FAM184A: variants seen among roughly 807,000 people sequenced by gnomAD.
FAM184A encodes the protein protein FAM184A.
A neutral mutation model predicts 143.8 loss-of-function variants in FAM184A; 99 were observed. The observed-to-expected ratio is 0.69, with a 90% confidence interval of 0.58 to 0.81. FAM184A has a LOEUF of 0.81. Ranked by LOEUF, FAM184A falls within the 40% of genes least tolerant of loss-of-function variation. The pLI is 0.00. For missense variants in FAM184A, 1,217 were observed against 1,310.5 expected (o/e 0.93, Z 1.10); for synonymous variants, 427 against 446.4 (o/e 0.96, Z 0.55).
At chr6:118,989,814 A>ATTTG (rs1784316275) in intron 9 of FAM184A, among the ~76,000 whole-genome samples, 1 of 149,300 alleles carries the variant, frequency 6.7e-6, no homozygotes, top group South Asian at 2.1e-4. Context: ...TTATTTATTT[A>ATTTG]TTTATTTATT....
intron 6 of FAM184A, chr6:119,009,539 C>G (rs1033875993): frequency 6.5e-6 from 1 of 153,738 alleles, no homozygotes; most frequent in Non-Finnish European, 1.4e-5. Flanking sequence ...AACTGTGAGT[C>G]CAATTAAACC....
In FAM184A at chr6:119,120,807, TCTTTCTTTCTTTCTTTCTTC is replaced by T. The variant is rs1377010700; in HGVS notation, c.-202+28251_-202+28270del. On this transcript the variant is annotated intron_variant, in intron 1 of 16. Transcript: ENST00000352896. ...GACTAAAATAAAGTGATGGTTTTTC[TCTTTCTTTCTTTCTTTCTTC>T]CTTTCTTTCTTTCTTTCTTTCTTTT... Among the ~76,000 whole-genome samples the T allele has an allele frequency of 5.1e-4, 7 of 13,694 alleles. No homozygotes were observed. In the East Asian group the frequency reaches 0.014, roughly 27 times the overall value. 9.0% of individuals were successfully genotyped at this position (13,694 alleles called of 152,430 possible). A position where few individuals can be genotyped will look rare whatever the true frequency, so the allele number is the denominator to read the frequency against.
At chr6:118,961,047 A>G (rs1484890709) in intron 17 of FAM184A, among the ~76,000 whole-genome samples, 1 of 152,090 alleles carries the variant, frequency 6.6e-6, no homozygotes, top group African/African-American at 2.4e-5. Flanking sequence ...TGACACTGCT[A>G]AGATTTAGTA....
At chr6:119,089,246 G>A (rs993719839) in intron 1 of FAM184A, among the ~76,000 whole-genome samples, 3 of 147,914 alleles carry the variant, frequency 2.0e-5, no homozygotes, top group South Asian at 2.1e-4. Context: ...CTCTGTCACC[G>A]AGGCTGGAGT....
chr6:118,994,958 T>C (rs932181004), intron 9 of FAM184A, among the ~76,000 whole-genome samples: 3 of 152,228 alleles, frequency 2.0e-5, no homozygotes, highest in Non-Finnish European at 4.4e-5. Flanking sequence ...ATAATTGTTA[T>C]TGCTCGACTT....
At chr6:119,108,128 A>AGTGTGTGTGTGTGTGTGTGTGTGTGTGT (rs57693047) in intron 1 of FAM184A, among the ~76,000 whole-genome samples, 14 of 147,266 alleles carry the variant, frequency 9.5e-5, no homozygotes, top group South Asian at 6.5e-4. Flanking sequence ...AGCACTTGTT[A>AGTGTGTGTGTGTGTGTGTGTGTGTGTGT]GTGTGTGTGT....
rs1296906293 is a variant in FAM184A at position 119,023,256 on chromosome 6, A to C, written c.1015-176T>G. Among the ~76,000 whole-genome samples the C allele has an allele frequency of 3.9e-5, 6 of 152,346 alleles. No individual in the cohort carries two copies. The East Asian group carries it at 1.2e-3, about 29-fold the overall frequency. On this transcript the variant is annotated intron_variant, in intron 2 of 17. Coordinates refer to ENST00000338891, the MANE Select transcript of FAM184A (RefSeq NM_024581.6). ...CTTGATGTTTTCATAAACATGACCCAATCAGGAAAGGCTATTCCACACTTT... is the reference window on the plus strand; with the variant it reads ...CTTGATGTTTTCATAAACATGACCCCATCAGGAAAGGCTATTCCACACTTT...
At chr6:119,095,644 G>A (rs1026273265) in intron 1 of FAM184A, among the ~76,000 whole-genome samples, 2 of 151,966 alleles carry the variant, frequency 1.3e-5, no homozygotes, top group East Asian at 1.9e-4. Flanking sequence ...CTGCAGCCTC[G>A]AACACTTGGG....
intron 1 of FAM184A, among the ~76,000 whole-genome samples, chr6:119,132,938 A>G (rs1423931261): frequency 6.6e-6 from 1 of 152,254 alleles, no homozygotes; most frequent in African/African-American, 2.4e-5. Flanking sequence ...AAGAGTTGAA[A>G]TATCAGGGGA....
intron 1 of FAM184A, among the ~76,000 whole-genome samples, chr6:119,028,111 T>C (rs1450505238): frequency 6.6e-6 from 1 of 152,128 alleles, no homozygotes; most frequent in Non-Finnish European, 1.5e-5. Context: ...AATCCTTGCC[T>C]GCAAGCCTAA....
intron 4 of FAM184A, 41 bp from the exon 5 acceptor site, chr6:119,016,985 T>G (rs751549447): frequency 1.5e-6 from 2 of 1,374,468 alleles, no homozygotes; most frequent in Non-Finnish European, 2.0e-6. Context: ...ACCTGCTTTT[T>G]TCATTACTGT....
chr6:119,015,453 G>A (rs1392320955), intron 5 of FAM184A, among the ~76,000 whole-genome samples: 1 of 152,192 alleles, frequency 6.6e-6, no homozygotes, highest in Admixed American at 6.5e-5. Flanking sequence ...CGGGCAGTGA[G>A]GGGCTTAGCA....
At chr6:119,133,579 C>A (rs920657222) in intron 1 of FAM184A, among the ~76,000 whole-genome samples, 6 of 152,020 alleles carry the variant, frequency 3.9e-5, no homozygotes, top group Admixed American at 6.5e-5. Context: ...GGCCTTTGTA[C>A]CTCATGTTAA....
chr6:118,973,976 C>T (rs1157641689), intron 14 of FAM184A, among the ~76,000 whole-genome samples: 1 of 152,010 alleles, frequency 6.6e-6, no homozygotes, highest in Non-Finnish European at 1.5e-5. Context: ...ATCTCCAGTA[C>T]CTCCTAATCC....
intron 1 of FAM184A, among the ~76,000 whole-genome samples, chr6:119,031,127 T>C (rs558612285): frequency 6.6e-6 from 1 of 152,282 alleles, no homozygotes; most frequent in Non-Finnish European, 1.5e-5. Context: ...TTCCCCCAGG[T>C]AAAATGTGAA....
intron 1 of FAM184A, among the ~76,000 whole-genome samples, chr6:119,129,383 C>T (rs1371716017): frequency 1.3e-5 from 2 of 152,182 alleles, no homozygotes; most frequent in Non-Finnish European, 2.9e-5. Context: ...ACAGCAAAAC[C>T]ATCCATGAAG....
Position 118,975,211 on chromosome 6 carries a change from G to A in FAM184A, c.2584-3C>T. 1 of 1,458,508 alleles carries A rather than the reference G, an allele frequency of 6.9e-7. No individual in the cohort carries two copies. The highest frequency in any genetic ancestry group is 2.4e-5 in the Admixed American group (1 of 41,620). The allele number at this position is 1,458,508 out of a possible 1,614,324, so 90.3% of individuals were successfully genotyped here. On this transcript the variant is annotated splice_polypyrimidine_tract_variant and splice_region_variant and intron_variant, in intron 12 of 17. Coordinates refer to ENST00000338891, the MANE Select transcript of FAM184A (RefSeq NM_024581.6). ...ATTCTACATATGTGCTCCTTACTCT[G>A]TTAAAAAAAAAAAGTCATTTTTAGA...
At chr6:119,000,537 T>C (rs879429185) in intron 9 of FAM184A, among the ~76,000 whole-genome samples, 1 of 152,186 alleles carries the variant, frequency 6.6e-6, no homozygotes, top group African/African-American at 2.4e-5. Flanking sequence ...ATTTTATGCT[T>C]TTAATGCTCA....
intron 9 of FAM184A, among the ~76,000 whole-genome samples, chr6:118,987,110 C>T (rs903238870): frequency 6.6e-6 from 1 of 152,196 alleles, no homozygotes; most frequent in Non-Finnish European, 1.5e-5. Flanking sequence ...CAGAATTTCA[C>T]AGGACATCTC....
Sources: gnomAD v4.1 joint callset for allele counts (sites outside exome capture counted in the v4.1 genomes callset) on GRCh38, gnomAD v4.1.1 for gene constraint, MANE v1.5 for transcripts, NCBI Gene and HGNC (gene_info 2026-07-23, HGNC 2026-07-21) for gene names.